ZNF148: variants seen among roughly 807,000 people sequenced by gnomAD.
The protein encoded by ZNF148 is zinc finger protein 148.
ZNF148 carries 7 observed loss-of-function variants against 67.7 expected under a neutral mutation model. The ratio of observed to expected loss-of-function variants is 0.10; its 90% CI spans 0.06 to 0.19. The LOEUF (loss-of-function observed/expected upper bound fraction) is 0.19. Ranked by LOEUF, ZNF148 falls within the 10% of genes least tolerant of loss-of-function variation. The pLI is 1.00. For synonymous variants in ZNF148, 333 were observed against 330.7 expected (o/e 1.01, Z -0.08); for missense variants, 583 against 947.1 (o/e 0.62, Z 5.05).
chr3:125,286,209 T>C (rs570824692), intron 5 of ZNF148, among the ~76,000 whole-genome samples: 2 of 152,076 alleles, frequency 1.3e-5, no homozygotes, highest in South Asian at 2.1e-4. Flanking sequence ...CCAAAAATGA[T>C]ATAAATTACT....
chr3:125,232,348 A>G lies in ZNF148; in HGVS notation c.2378T>C (p.Phe793Ser), dbSNP rs1490945418. The G allele has an allele frequency of 6.3e-7, 1 of 1,586,816 alleles. No homozygotes were observed. The highest frequency in any genetic ancestry group is 1.4e-5 in the African/African-American group (1 of 73,218). Residue 793 changes from phenylalanine to serine, a missense_variant, in exon 9 of 9, where the codon TTT becomes TCT. Phe to Ser is a radical substitution (Grantham distance 155). Coordinates refer to ENST00000360647, the MANE Select transcript of ZNF148 (RefSeq NM_021964.3). This position sits in a 1 kb window ranked among gnomAD's most constrained non-coding sequence, Gnocchi z 4.2. ...TACACTTTTTTTTTTTTTTTAGCCA[A>G]AAGTCTGGCCAGTTGTGGCATCAGG... Reference protein sequence around the residue: ...SSPDATTGQTFG With the variant: ...SSPDATTGQTSG
chr3:125,361,131 T>G (rs1428218907), intron 1 of ZNF148, among the ~76,000 whole-genome samples: 1 of 152,164 alleles, frequency 6.6e-6, no homozygotes, highest in Non-Finnish European at 1.5e-5. Context: ...CTATCAACTC[T>G]TGCCCAATTA....
intron 8 of ZNF148, 97 bp downstream of exon 8, chr3:125,234,114 C>T: frequency 1.4e-5 from 17 of 1,189,340 alleles, no homozygotes; most frequent in Non-Finnish European, 1.8e-5. Context: ...AGTTAGAAGG[C>T]CCCTTAAATA....
At position 125,233,603 on chromosome 3, in the gene ZNF148, C is replaced by T. The variant is rs757165681; in HGVS notation, c.1123G>A (p.Gly375Ser). The T allele has an allele frequency of 6.2e-7, 1 of 1,613,730 alleles. No individual in the cohort carries two copies. The highest frequency in any genetic ancestry group is 1.3e-5 in the African/African-American group (1 of 74,858). The part of the protein sequence containing the change: ...AVEMPHSSVG[G>S]SHLEDASGEI... ...CCTGACGCATCTTCTAAATGCGAGC[C>T]CCCAACTGACGAATGTGGCATTTCA... The change falls in exon 9 of 9, where the codon GGC (glycine) becomes AGC (serine). Residue 375 changes from glycine (G) to serine (S), a missense_variant. Coordinates refer to ENST00000360647, the MANE Select transcript of ZNF148 (RefSeq NM_021964.3). The surrounding 1 kb of genome is among the most constrained non-coding windows in gnomAD (Gnocchi z 5.1).
intron 1 of ZNF148, among the ~76,000 whole-genome samples, chr3:125,373,710 A>G (rs1942967229): frequency 6.6e-6 from 1 of 152,174 alleles, no homozygotes; most frequent in Non-Finnish European, 1.5e-5. Flanking sequence ...CAATGCCATC[A>G]TGCCTGAATG....
chr3:125,352,234 T>G (rs1942179371), intron 1 of ZNF148, among the ~76,000 whole-genome samples: 1 of 151,856 alleles, frequency 6.6e-6, no homozygotes, highest in Non-Finnish European at 1.5e-5. Context: ...AGGAATGAAC[T>G]GCTGACACAT....
rs754647148 is a variant in ZNF148, at chr3:125,232,947, T to C, written c.1779A>G (p.Ala593=). Residue 593 remains alanine (A), a synonymous_variant, in exon 9 of 9, where the codon GCA becomes GCG. Coordinates refer to ENST00000360647, the MANE Select transcript of ZNF148 (RefSeq NM_021964.3). This position sits in a 1 kb window ranked among gnomAD's most constrained non-coding sequence, Gnocchi z 4.2. ...ACATGTTGGCTTTATCTGATGAGGA[T>C]GCTTGGGAGCTTGATCCAACATTCT... is the stretch of plus-strand genomic sequence containing the variant. ...PSENVGSSSQ[A]SSSDKANMLQ... is the part of the protein sequence containing the mutation. 13 of 1,613,776 alleles carry C rather than the reference T, an allele frequency of 8.1e-6. No homozygotes were observed. In the East Asian group the frequency reaches 2.9e-4, roughly 36 times the overall value.
rs1475074537 is a variant in ZNF148 at position 125,239,299 on chromosome 3, C to T, written c.668-4970G>A. ...ATGTATCAGATAAGGAACGTGTATC[C>T]AGAATATAAAGAGAACTCTTACAAC... On this transcript the variant is annotated intron_variant, in intron 7 of 8. Coordinates refer to ENST00000360647, the MANE Select transcript of ZNF148 (RefSeq NM_021964.3). Among the ~76,000 whole-genome samples the T allele has an allele frequency of 4.6e-5, 7 of 152,036 alleles. No homozygotes were observed. The East Asian group carries it at 1.3e-3, about 29-fold the overall frequency.
chr3:125,359,701 T>G (rs907749152), intron 1 of ZNF148, among the ~76,000 whole-genome samples: 2 of 152,218 alleles, frequency 1.3e-5, no homozygotes, highest in African/African-American at 4.8e-5. Context: ...CTGACAATAT[T>G]TTTTTAAAAG....
intron 7 of ZNF148, among the ~76,000 whole-genome samples, chr3:125,259,068 C>T (rs1293550920): frequency 6.6e-6 from 1 of 151,912 alleles, no homozygotes; most frequent in African/African-American, 2.4e-5. Flanking sequence ...TACTAAGAGG[C>T]CTTTTGAGAA....
rs756356629 is a variant in ZNF148, at chr3:125,313,596, G to A, written c.45C>T (p.Gly15=). 6.2e-6 allele frequency: 10 copies of A among 1,613,658 alleles called. No individual in the cohort carries two copies. The highest frequency in any genetic ancestry group is 3.3e-5 in the South Asian group (3 of 91,046). ...TGGAAGACTGCATTTCGTCTATGCC[G>A]CCACATTTAAGAAACAATCCTTCCA... is the stretch of plus-strand genomic sequence containing the variant. The part of the protein sequence containing the change: ...DKLEGLFLKC[G]GIDEMQSSRT... The change falls in exon 4 of 9, where the codon GGC becomes GGT. Residue 15 remains glycine (G), a synonymous_variant. Coordinates refer to ENST00000360647, the MANE Select transcript of ZNF148 (RefSeq NM_021964.3).
chr3:125,343,228 T>C (rs1036818427), intron 1 of ZNF148, among the ~76,000 whole-genome samples: 6 of 152,164 alleles, frequency 3.9e-5, no homozygotes, highest in South Asian at 2.1e-4. Context: ...TTTCCTACCA[T>C]TGACGTGTCA....
chr3:125,294,018 C>A (rs1939156773), intron 4 of ZNF148, among the ~76,000 whole-genome samples: 1 of 152,172 alleles, frequency 6.6e-6, no homozygotes, highest in South Asian at 2.1e-4. Flanking sequence ...GTTACTATCA[C>A]CAGTTTTAAG....
chr3:125,312,824 T>C (rs114738288), intron 4 of ZNF148, among the ~76,000 whole-genome samples: 1,674 of 152,112 alleles, frequency 0.011, 27 homozygotes, highest in African/African-American at 0.036. Context: ...CTGAGGTAGA[T>C]AGGAAAGAGT....
chr3:125,243,290 C>T (rs1032989781), intron 7 of ZNF148, among the ~76,000 whole-genome samples: 3 of 151,998 alleles, frequency 2.0e-5, no homozygotes, highest in African/African-American at 4.8e-5. Context: ...CTATTCCCTG[C>T]GTATGTGTGT....
At chr3:125,325,708 G>A (rs955760106) in intron 2 of ZNF148, among the ~76,000 whole-genome samples, 17 of 152,058 alleles carry the variant, frequency 1.1e-4, no homozygotes. Flanking sequence ...CAGGTGATCT[G>A]ACCATCTTGG....
At chr3:125,240,756 T>G (rs981064285) in intron 7 of ZNF148, among the ~76,000 whole-genome samples, 4 of 142,980 alleles carry the variant, frequency 2.8e-5, no homozygotes, top group Non-Finnish European at 6.1e-5. Context: ...AAGTGCAAGA[T>G]CCTGTCTGCA....
In ZNF148 at chr3:125,372,311, A is replaced by G. The variant is rs148183113; in HGVS notation, c.-234+2791T>C. ...ACCTAGGCTAAATCCCTAAAATACA[A>G]TGGGGAAATCAAGAGATACAGCCTA... On this transcript the variant is annotated intron_variant, in intron 1 of 8. Coordinates refer to ENST00000360647, the MANE Select transcript of ZNF148 (RefSeq NM_021964.3). Among the ~76,000 whole-genome samples the G allele has an allele frequency of 3.4e-3, 520 of 152,322 alleles. 5 individuals carry two copies. Among genetic ancestry groups the G allele is most frequent in the African/African-American group, 0.012 (487 of 41,586 alleles).
In ZNF148 at chr3:125,295,650, T is replaced by C. The variant is rs144019274; in HGVS notation, c.334-7422A>G. Among the ~76,000 whole-genome samples the C allele has an allele frequency of 1.8e-3, 268 of 152,148 alleles. 2 individuals carry two copies. The highest frequency in any genetic ancestry group is 5.5e-3 in the African/African-American group (229 of 41,530). ...AGAGTAATACTAACAGTGTGTGAGG[T>C]TGAACAACTAAAATTGGGATCATGC... On this transcript the variant is annotated intron_variant, in intron 4 of 8. Coordinates refer to ENST00000360647, the MANE Select transcript of ZNF148 (RefSeq NM_021964.3).
Sources: gnomAD v4.1 joint callset for allele counts (sites outside exome capture counted in the v4.1 genomes callset) on GRCh38, gnomAD v4.1.1 for gene constraint, Gnocchi (gnomAD v3.1) non-coding constraint, MANE v1.5 for transcripts, NCBI Gene and HGNC (gene_info 2026-07-23, HGNC 2026-07-21) for gene names.